KLK5: variants seen among roughly 807,000 people sequenced by gnomAD.
The protein encoded by KLK5 is kallikrein related peptidase 5.
A neutral mutation model predicts 24.0 loss-of-function variants in KLK5; 18 were observed. The observed-to-expected ratio is 0.75, with a 90% CI of 0.52 to 1.11. The LOEUF (loss-of-function observed/expected upper bound fraction) is 1.11, where lower values mean the gene tolerates loss of function less well. Ranked by LOEUF, KLK5 falls within the 50% of genes most tolerant of loss-of-function variation. The pLI, the probability that KLK5 is intolerant of heterozygous loss-of-function variation, is 0.00. For synonymous variants in KLK5, 140 were observed against 154.0 expected, an observed-to-expected ratio of 0.91 and a Z score of 0.67; for missense variants, 374 against 379.2, an observed-to-expected ratio of 0.99 and a Z score of 0.11.
intron 2 of KLK5, among the ~76,000 whole-genome samples, chr19:50,952,123 C>T (rs2123583714): frequency 1.0e-5 from 1 of 96,706 alleles, no homozygotes; most frequent in Admixed American, 1.1e-4. Flanking sequence ...CACACAGTCA[C>T]AGCTTTCCAT....
Position 50,949,031 on chromosome 19 carries a change from G to C in KLK5, c.420C>G (p.Ile140Met). 1 of 1,613,860 alleles carries C rather than the reference G, an allele frequency of 6.2e-7. No homozygotes were observed. Among genetic ancestry groups the C allele is most frequent in the African/African-American group, 1.3e-5 (1 of 74,966 alleles). ...GQQMFQGVKS[I>M]PHPGYSHPGH... The stretch of plus-strand genomic sequence containing the variant: ...CAGGGTGGGAGTAGCCAGGGTGGGG[G>C]ATGGATTTGACCCCCTGGAACATCT... The change falls in exon 4 of 6, where the codon ATC becomes ATG. Residue 140 changes from isoleucine to methionine, a missense_variant. Transcript: ENST00000336334.
rs1341059031 is a variant in KLK5 at position 50,947,575 on chromosome 19, AT to A, written c.726+1064del. 5.3e-5 allele frequency among the ~76,000 whole-genome samples: 8 copies of A among 152,190 alleles called. No individual in the cohort carries two copies. The highest frequency in any genetic ancestry group is 1.7e-4 in the African/African-American group (7 of 41,518). On this transcript the variant is annotated intron_variant, in intron 5 of 5. Transcript: ENST00000336334. The surrounding 1 kb of genome is among the most constrained non-coding windows in gnomAD (Gnocchi z 8.7). ...CAGATTCTTGACCACAGAGTTTTTT[AT>A]TTTTTAACTTTGTTCCTCCAGCCCT...
intron 5 of KLK5, among the ~76,000 whole-genome samples, chr19:50,945,372 T>C (rs956836421): frequency 6.6e-6 from 1 of 151,554 alleles, no homozygotes; most frequent in Non-Finnish European, 1.5e-5. Flanking sequence ...AAGTTTTTGG[T>C]CTGTTTTGCC....
At chr19:50,946,066 A>T (rs1433772113) in intron 5 of KLK5, among the ~76,000 whole-genome samples, 1 of 152,272 alleles carries the variant, frequency 6.6e-6, no homozygotes, top group Non-Finnish European at 1.5e-5. Context: ...GGTATCAATT[A>T]TTAGGAAAGC....
In KLK5 at chr19:50,947,057, T is replaced by C. The variant is rs2090642233; in HGVS notation, c.726+1583A>G. Among the ~76,000 whole-genome samples the C allele has an allele frequency of 6.6e-6, 1 of 152,148 alleles. No homozygotes were observed. The highest frequency in any genetic ancestry group is 2.4e-5 in the African/African-American group (1 of 41,420). Reference sequence around the variant, plus strand: ...CTAACTACTGTTGAAACACACACCCTGCTAATGAGAGCTTGTTAACTTACG... The same window carrying C: ...CTAACTACTGTTGAAACACACACCCCGCTAATGAGAGCTTGTTAACTTACG... On this transcript the variant is annotated intron_variant, in intron 5 of 5. Transcript: ENST00000336334. This position sits in a 1 kb window ranked among gnomAD's most constrained non-coding sequence, Gnocchi z 8.7.
rs2090647854 is a variant in KLK5, at chr19:50,947,691, A to C, written c.726+949T>G. Among the ~76,000 whole-genome samples, 1 of 152,194 alleles carries C rather than the reference A, an allele frequency of 6.6e-6. No homozygotes were observed. Among genetic ancestry groups the C allele is most frequent in the Non-Finnish European group, 1.5e-5 (1 of 68,034 alleles). ...CTCTTTTCCTTCCTCAAGATATTTT[A>C]CCAGCACTTGCTAGAAAACTGTCAT... is the stretch of plus-strand genomic sequence containing the variant. On this transcript the variant is annotated intron_variant, in intron 5 of 5. Transcript: ENST00000336334. The surrounding 1 kb of genome is among the most constrained non-coding windows in gnomAD (Gnocchi z 8.7).
intron 5 of KLK5, among the ~76,000 whole-genome samples, chr19:50,948,216 G>T (rs1035385385): frequency 1.3e-5 from 2 of 151,794 alleles, no homozygotes; most frequent in African/African-American, 4.8e-5. Flanking sequence ...CCACCTCCTG[G>T]GTTTAAGTGA....
In KLK5 at chr19:50,947,082, G is replaced by A. The variant is rs76710087; in HGVS notation, c.726+1558C>T. On this transcript the variant is annotated intron_variant, in intron 5 of 5. Transcript: ENST00000336334. This position sits in a 1 kb window ranked among gnomAD's most constrained non-coding sequence, Gnocchi z 8.7. ...TGCTAATGAGAGCTTGTTAACTTACGTCCTTCTAGATCCCTTGGGAGCCTG... is the reference window on the plus strand; with the variant it reads ...TGCTAATGAGAGCTTGTTAACTTACATCCTTCTAGATCCCTTGGGAGCCTG... Among the ~76,000 whole-genome samples the A allele has an allele frequency of 4.1e-3, 629 of 152,192 alleles. 5 individuals carry two copies. Among genetic ancestry groups the A allele is most frequent in the African/African-American group, 0.014 (588 of 41,504 alleles).
chr19:50,948,499 C>A, intron 5 of KLK5, 141 bp downstream of exon 5: 1 of 754,274 alleles, frequency 1.3e-6, no homozygotes, highest in Non-Finnish European at 2.2e-6. Flanking sequence ...TACTAAACAC[C>A]ACTACTCTAG....
rs750188480 is a variant in KLK5 at position 50,947,488 on chromosome 19, C to T, written c.726+1152G>A. ...AATATTGGCCCTTATTGTTTACTAT[C>T]CTAAAACCATGTTTTATTTTGGGGT... On this transcript the variant is annotated intron_variant, in intron 5 of 5. Transcript: ENST00000336334. The surrounding 1 kb of genome is among the most constrained non-coding windows in gnomAD (Gnocchi z 8.7). Among the ~76,000 whole-genome samples, 1 of 152,188 alleles carries T rather than the reference C, an allele frequency of 6.6e-6. No homozygotes were observed. Among genetic ancestry groups the T allele is most frequent in the Non-Finnish European group, 1.5e-5 (1 of 68,036 alleles).
intron 5 of KLK5, among the ~76,000 whole-genome samples, chr19:50,948,409 C>T (rs2090653783): frequency 6.6e-6 from 1 of 152,100 alleles, no homozygotes; most frequent in South Asian, 2.1e-4. Context: ...AGGTGTGAGC[C>T]ACTGCGCCCA....
At chr19:50,949,426 C>T (rs2090664315) in intron 3 of KLK5, among the ~76,000 whole-genome samples, 1 of 151,674 alleles carries the variant, frequency 6.6e-6, no homozygotes. Flanking sequence ...ATATCTGCTC[C>T]CAATCTCAAC....
intron 5 of KLK5, among the ~76,000 whole-genome samples, chr19:50,948,294 G>C (rs185745090): frequency 2.6e-5 from 4 of 151,912 alleles, no homozygotes; most frequent in East Asian, 1.9e-4. Flanking sequence ...GCTAATTTTT[G>C]TATTTTTTTT....
chr19:50,950,763 G>A (rs1033041307), intron 2 of KLK5, among the ~76,000 whole-genome samples: 11 of 151,892 alleles, frequency 7.2e-5, no homozygotes, highest in Non-Finnish European at 1.6e-4. Context: ...GTGGTGGCGC[G>A]CACCTGTAAT....
At chr19:50,952,415 G>A (rs1231889478) in intron 2 of KLK5, among the ~76,000 whole-genome samples, 170 bp downstream of exon 2, 2 of 152,146 alleles carry the variant, frequency 1.3e-5, no homozygotes, top group Non-Finnish European at 2.9e-5. Flanking sequence ...CACCGTGGCA[G>A]TCACAGGGCC....
At chr19:50,949,637 C>T (rs1281472460) in intron 3 of KLK5, among the ~76,000 whole-genome samples, 2 of 151,998 alleles carry the variant, frequency 1.3e-5, no homozygotes, top group Non-Finnish European at 2.9e-5. Context: ...CACCTTGCTC[C>T]CCCGCAAAAC....
chr19:50,948,568 A>T, intron 5 of KLK5, 72 bp downstream of exon 5: 2 of 1,523,366 alleles, frequency 1.3e-6, no homozygotes, highest in East Asian at 4.5e-5. Flanking sequence ...GGATTCTCAG[A>T]ATTTGGCAAC....
intron 5 of KLK5, among the ~76,000 whole-genome samples, chr19:50,945,208 A>C (rs2090621634): frequency 6.6e-6 from 1 of 151,258 alleles, no homozygotes; most frequent in Non-Finnish European, 1.5e-5. Context: ...GTTTGGGCTC[A>C]AGCAATTCTC....
chr19:50,951,242 C>T (rs907192936), intron 2 of KLK5, among the ~76,000 whole-genome samples: 3 of 152,076 alleles, frequency 2.0e-5, no homozygotes, highest in Non-Finnish European at 2.9e-5. Flanking sequence ...TCAGTCCTCC[C>T]GTGCCCATTC....
Sources: gnomAD v4.1 joint callset for allele counts (sites outside exome capture counted in the v4.1 genomes callset) on GRCh38, gnomAD v4.1.1 for gene constraint, Gnocchi (gnomAD v3.1) non-coding constraint, MANE v1.5 for transcripts, NCBI Gene and HGNC (gene_info 2026-07-23, HGNC 2026-07-21) for gene names.